NELL2: variants seen among roughly 807,000 people sequenced by gnomAD.
The protein encoded by NELL2 is protein kinase C-binding protein NELL2.
NELL2 carries 41 observed loss-of-function variants against 109.6 expected under a neutral mutation model. The ratio of observed to expected loss-of-function variants is 0.37; its 90% CI spans 0.29 to 0.49. The LOEUF (loss-of-function observed/expected upper bound fraction) is 0.49. Ranked by LOEUF, NELL2 falls within the 20% of genes least tolerant of loss-of-function variation. The pLI, the probability that NELL2 is intolerant of heterozygous loss-of-function variation, is 0.98. For synonymous variants in NELL2, 355 were observed against 344.7 expected (o/e 1.03, Z -0.33); for missense variants, 900 against 1,008.3 (o/e 0.89, Z 1.45).
At chr12:44,522,608 C>A (rs982127423) in intron 17 of NELL2, among the ~76,000 whole-genome samples, 7 of 151,870 alleles carry the variant, frequency 4.6e-5, no homozygotes, top group African/African-American at 1.5e-4. Flanking sequence ...TATTTAAAAC[C>A]TATGTTTTTG....
At chr12:44,565,426 T>C in intron 15 of NELL2, among the ~76,000 whole-genome samples, 1 of 152,176 alleles carries the variant, frequency 6.6e-6, no homozygotes, top group Non-Finnish European at 1.5e-5. Context: ...TTAGAATTGA[T>C]GGAGGATGGT....
intron 2 of NELL2, among the ~76,000 whole-genome samples, chr12:44,838,550 A>G (rs1476965633): frequency 6.6e-6 from 1 of 152,206 alleles, no homozygotes; most frequent in Non-Finnish European, 1.5e-5. Context: ...TAATAATAGT[A>G]CACAGGTTCA....
intron 15 of NELL2, among the ~76,000 whole-genome samples, chr12:44,554,504 A>G (rs551819681): frequency 5.8e-4 from 89 of 152,280 alleles, no homozygotes; most frequent in East Asian, 3.5e-3. Flanking sequence ...AATTTTGGCG[A>G]TAATGGATAT....
intron 9 of NELL2, among the ~76,000 whole-genome samples, chr12:44,718,082 C>T: frequency 6.6e-6 from 1 of 152,142 alleles, no homozygotes; most frequent in East Asian, 1.9e-4. Context: ...AAAGAGAAAA[C>T]TGATATTTTT....
In NELL2 at chr12:44,590,897, C is replaced by CAAA. The variant is rs59621412; in HGVS notation, c.1663+16269_1663+16271dup. 2.5e-3 allele frequency among the ~76,000 whole-genome samples: 333 copies of CAAA among 135,170 alleles called. 2 individuals carry two copies. Among genetic ancestry groups the CAAA allele is most frequent in the African/African-American group, 8.4e-3 (312 of 37,066 alleles). The allele number at this position is 135,170 out of a possible 152,430, so 88.7% of individuals were successfully genotyped here. A position where few individuals can be genotyped will look rare whatever the true frequency, so the allele number is the denominator to read the frequency against. On this transcript the variant is annotated intron_variant, in intron 15 of 19. Transcript: ENST00000429094. ...CCAAGGAATTAATATGCAGAATATA[C>CAAA]AAAAAAAAAAACCAACCTTGACTCA...
chr12:44,650,498 T>C (rs768677477), intron 13 of NELL2, among the ~76,000 whole-genome samples: 2 of 152,034 alleles, frequency 1.3e-5, no homozygotes, highest in Non-Finnish European at 2.9e-5. Flanking sequence ...TTTCACTATG[T>C]TGGCCAGGCT....
At chr12:44,893,283 C>G (rs966835545) in intron 1 of NELL2, among the ~76,000 whole-genome samples, 2 of 152,008 alleles carry the variant, frequency 1.3e-5, no homozygotes, top group Non-Finnish European at 1.5e-5. Context: ...TCTATAGAAC[C>G]CTTTGAGCCT....
intron 2 of NELL2, among the ~76,000 whole-genome samples, chr12:44,857,767 C>T (rs1944725042): frequency 6.6e-6 from 1 of 152,192 alleles, no homozygotes; most frequent in Admixed American, 6.5e-5. Context: ...ACTTCTAAAA[C>T]ATTGGCACAA....
At chr12:44,813,198 C>A (rs1384811086) in intron 3 of NELL2, among the ~76,000 whole-genome samples, 1 of 152,176 alleles carries the variant, frequency 6.6e-6, no homozygotes, top group Non-Finnish European at 1.5e-5. Context: ...CACTCTTAAT[C>A]ACTCTTGAAT....
Position 44,876,002 on chromosome 12 carries a change from T to C in NELL2, c.-133A>G. ...CCTCGGATTTACTGATCAGTAGGAT[T>C]AATACGCTTTGGTTGCCTAAGAAAG... On this transcript the variant is annotated 5_prime_UTR_variant, in exon 1 of 20. Transcript: ENST00000429094. 2 of 1,536,294 alleles carry C rather than the reference T, an allele frequency of 1.3e-6. No homozygotes were observed. The highest frequency in any genetic ancestry group is 2.4e-5 in the South Asian group (2 of 83,854).
At chr12:44,790,122 A>G (rs1404226676) in intron 3 of NELL2, among the ~76,000 whole-genome samples, 1 of 152,202 alleles carries the variant, frequency 6.6e-6, no homozygotes, top group Admixed American at 6.5e-5. Context: ...AAAAGCTCAA[A>G]GAACACCTGG....
At chr12:44,599,697 C>T (rs900833825) in intron 15 of NELL2, among the ~76,000 whole-genome samples, 3 of 152,012 alleles carry the variant, frequency 2.0e-5, no homozygotes, top group Non-Finnish European at 2.9e-5. Context: ...ACGATGAAAG[C>T]GGTTAACTCT....
intron 19 of NELL2, among the ~76,000 whole-genome samples, chr12:44,510,942 G>A (rs755638204): frequency 6.6e-6 from 1 of 152,174 alleles, no homozygotes; most frequent in African/African-American, 2.4e-5. Flanking sequence ...ACAAAGTGAT[G>A]GGTGTACCAG....
At chr12:44,797,330 G>T (rs1431473343) in intron 3 of NELL2, among the ~76,000 whole-genome samples, 2 of 152,080 alleles carry the variant, frequency 1.3e-5, no homozygotes, top group Non-Finnish European at 1.5e-5. Context: ...TATCATAAAA[G>T]CATACTGTTG....
At chr12:44,564,252 A>G (rs979498654) in intron 15 of NELL2, among the ~76,000 whole-genome samples, 2 of 152,182 alleles carry the variant, frequency 1.3e-5, no homozygotes, top group African/African-American at 2.4e-5. Context: ...CCTACAGAAG[A>G]AAGTACTAGA....
chr12:44,706,102 C>T (rs890388303), intron 11 of NELL2, among the ~76,000 whole-genome samples: 1 of 152,162 alleles, frequency 6.6e-6, no homozygotes, highest in Non-Finnish European at 1.5e-5. Flanking sequence ...AGAATTTTCT[C>T]ACTGTAAGAT....
intron 2 of NELL2, among the ~76,000 whole-genome samples, chr12:44,843,894 C>T (rs753802001): frequency 2.0e-5 from 3 of 152,188 alleles, no homozygotes; most frequent in African/African-American, 2.4e-5. Flanking sequence ...TGGTGGCTCA[C>T]GCTTGTGGTC....
At chr12:44,806,428 T>C (rs1305021078) in intron 3 of NELL2, among the ~76,000 whole-genome samples, 1 of 151,888 alleles carries the variant, frequency 6.6e-6, no homozygotes, top group Non-Finnish European at 1.5e-5. Flanking sequence ...TTCATATACA[T>C]AGTATGTAGA....
At chr12:44,638,566 C>A (rs1022192566) in intron 13 of NELL2, among the ~76,000 whole-genome samples, 1 of 152,060 alleles carries the variant, frequency 6.6e-6, no homozygotes, top group African/African-American at 2.4e-5. Flanking sequence ...GTAAGCAGAG[C>A]CAGGAACAAA....
Sources: allele counts gnomAD v4.1 joint callset (sites outside exome capture counted in the v4.1 genomes callset), GRCh38; gene constraint gnomAD v4.1.1; transcripts MANE v1.5; gene names NCBI Gene and HGNC (gene_info 2026-07-23, HGNC 2026-07-21).